Variants in CSTF3 observed in about 807,000 individuals in gnomAD.
CSTF3 encodes the protein cleavage stimulation factor subunit 3, also known as CF-1 77 kDa subunit.
In CSTF3, 29 loss-of-function variants were observed where a neutral mutation model predicts 105.8. That is an observed-to-expected ratio of 0.27 (90% CI 0.20 to 0.37). The LOEUF (loss-of-function observed/expected upper bound fraction) is 0.37. CSTF3 is among the 10% of genes least tolerant of loss of function. The pLI, the probability that CSTF3 is intolerant of heterozygous loss-of-function variation, is 1.00. For missense variants in CSTF3, 357 were observed against 879.3 expected, an observed-to-expected ratio of 0.41 and a Z score of 7.51; for synonymous variants, 252 against 281.9, an observed-to-expected ratio of 0.89 and a Z score of 1.06.
rs765325218 is a variant in CSTF3, at chr11:33,107,947, A to G, written c.312T>C (p.Tyr104=). The change falls in exon 5 of 21, where the codon TAT becomes TAC. Residue 104 remains tyrosine, a synonymous_variant. Transcript: ENST00000323959. The stretch of plus-strand genomic sequence containing the variant: ...CCTTGGTTTCTCGGACATATGAAAG[A>G]TAACACTTCCATAAATCAATGTGCA... ...KVLHIDLWKC[Y]LSYVRETKGK... 1 of 1,611,922 alleles carries G rather than the reference A, an allele frequency of 6.2e-7. No homozygotes were observed. The highest frequency in any genetic ancestry group is 1.1e-5 in the South Asian group (1 of 90,784).
chr11:33,092,034 G>T (rs940622509), intron 16 of CSTF3, among the ~76,000 whole-genome samples: 2 of 152,148 alleles, frequency 1.3e-5, no homozygotes, highest in Non-Finnish European at 2.9e-5. Context: ...TAGTATACAA[G>T]AAAGATGATA....
At chr11:33,150,259 A>C (rs74557551) in intron 1 of CSTF3, among the ~76,000 whole-genome samples, 10 of 151,882 alleles carry the variant, frequency 6.6e-5, no homozygotes, top group African/African-American at 2.4e-4. Flanking sequence ...AGAAAAGAAA[A>C]CAGGGCAAGT....
intron 3 of CSTF3, among the ~76,000 whole-genome samples, chr11:33,111,832 A>C (rs1005942757): frequency 1.3e-5 from 2 of 152,200 alleles, no homozygotes; most frequent in African/African-American, 4.8e-5. Flanking sequence ...GTGGCCACTG[A>C]TTGTCATTCA....
intron 1 of CSTF3, among the ~76,000 whole-genome samples, chr11:33,158,199 TA>T (rs989235736): frequency 2.6e-5 from 4 of 152,292 alleles, no homozygotes; most frequent in Admixed American, 2.6e-4. Context: ...ATTAAAAAGT[TA>T]AAGAAAAGGC....
At chr11:33,154,863 T>C (rs1849839666) in intron 1 of CSTF3, among the ~76,000 whole-genome samples, 2 of 152,116 alleles carry the variant, frequency 1.3e-5, no homozygotes, top group Admixed American at 6.6e-5. Context: ...AAGAACTATA[T>C]GTGACAGGTG....
chr11:33,104,173 GACAA>G (rs1855305519), intron 8 of CSTF3, among the ~76,000 whole-genome samples: 1 of 152,082 alleles, frequency 6.6e-6, no homozygotes, highest in African/African-American at 2.4e-5. Context: ...TTTTTAAAAA[GACAA>G]ACAGAAGTAG....
At chr11:33,095,289 T>C (rs1320460205) in intron 15 of CSTF3, among the ~76,000 whole-genome samples, 2 of 152,210 alleles carry the variant, frequency 1.3e-5, no homozygotes, top group Non-Finnish European at 2.9e-5. Context: ...CACAGCTCAC[T>C]GTGACCTCCA....
chr11:33,086,558 C>G (rs1855107843), intron 18 of CSTF3, among the ~76,000 whole-genome samples: 1 of 152,120 alleles, frequency 6.6e-6, no homozygotes, highest in African/African-American at 2.4e-5. Flanking sequence ...CTGCCTCAGC[C>G]TCCCAAGTAG....
At chr11:33,137,157 T>A (rs550443372) in intron 3 of CSTF3, among the ~76,000 whole-genome samples, 36 of 151,938 alleles carry the variant, frequency 2.4e-4, no homozygotes, top group African/African-American at 8.4e-4. Context: ...TTTCAATGTG[T>A]TTACTAATGA....
At chr11:33,103,862 C>T (rs1271390291) in intron 8 of CSTF3, among the ~76,000 whole-genome samples, 1 of 152,080 alleles carries the variant, frequency 6.6e-6, no homozygotes, top group Non-Finnish European at 1.5e-5. Flanking sequence ...TAAACAGAGT[C>T]TTCCTCTGTC....
intron 3 of CSTF3, among the ~76,000 whole-genome samples, chr11:33,124,889 T>C (rs1440508957): frequency 1.3e-5 from 2 of 152,230 alleles, no homozygotes; most frequent in Non-Finnish European, 2.9e-5. Flanking sequence ...TTACCAACCT[T>C]ACTGCCATTC....
intron 3 of CSTF3, among the ~76,000 whole-genome samples, chr11:33,118,278 T>A (rs1855454071): frequency 6.6e-6 from 1 of 151,858 alleles, no homozygotes; most frequent in Non-Finnish European, 1.5e-5. Flanking sequence ...AATTAGACAA[T>A]ACTAATTTCA....
chr11:33,102,823 G>A (rs529971120), intron 9 of CSTF3, among the ~76,000 whole-genome samples: 1 of 152,136 alleles, frequency 6.6e-6, no homozygotes, highest in Non-Finnish European at 1.5e-5. Context: ...CCAAATAATA[G>A]AGGGAAAAGA....
At chr11:33,135,362 A>C (rs1855642838) in intron 3 of CSTF3, among the ~76,000 whole-genome samples, 1 of 152,172 alleles carries the variant, frequency 6.6e-6, no homozygotes, top group African/African-American at 2.4e-5. Flanking sequence ...AATATTCTGC[A>C]AACTATAAAA....
intron 3 of CSTF3, among the ~76,000 whole-genome samples, chr11:33,116,197 TATTA>T (rs1188406782): frequency 6.6e-6 from 1 of 152,210 alleles, no homozygotes; most frequent in Non-Finnish European, 1.5e-5. Context: ...AACCATTAGG[TATTA>T]ATTAGTCTTC....
intron 3 of CSTF3, among the ~76,000 whole-genome samples, chr11:33,122,914 C>CAAAAAAAAAAAAAAAAAAAAGAAAAA (rs1855506170): frequency 1.2e-5 from 1 of 83,840 alleles, no homozygotes; most frequent in African/African-American, 5.4e-5. Flanking sequence ...TATCCTGTCT[C>CAAAAAAAAAAAAAAAAAAAAGAAAAA]AAAAAAAAAA....
At chr11:33,119,658 T>A (rs1855467115) in intron 3 of CSTF3, among the ~76,000 whole-genome samples, 1 of 151,810 alleles carries the variant, frequency 6.6e-6, no homozygotes, top group African/African-American at 2.4e-5. Flanking sequence ...TCAGACTACT[T>A]TAGTTTTTAT....
intron 16 of CSTF3, 54 bp from the exon 17 acceptor site, chr11:33,090,781 G>A (rs1855161251): frequency 7.8e-7 from 1 of 1,283,362 alleles, no homozygotes. Context: ...TTAGGGCAGG[G>A]AGTTCATTTA....
intron 1 of CSTF3, among the ~76,000 whole-genome samples, chr11:33,149,008 G>C (rs1855822989): frequency 6.6e-6 from 1 of 151,884 alleles, no homozygotes; most frequent in South Asian, 2.1e-4. Flanking sequence ...GTTTTTTATA[G>C]TAATATATAC....
Sources: gnomAD v4.1 joint callset for allele counts (sites outside exome capture counted in the v4.1 genomes callset) on GRCh38, gnomAD v4.1.1 for gene constraint, MANE v1.5 for transcripts, NCBI Gene and HGNC (gene_info 2026-07-23, HGNC 2026-07-21) for gene names.